KCTD8: variants seen among roughly 807,000 people sequenced by gnomAD.
KCTD8 encodes BTB/POZ domain-containing protein KCTD8.
A neutral mutation model predicts 31.5 loss-of-function variants in KCTD8; 27 were observed. The observed-to-expected ratio is 0.86, with a 90% CI of 0.63 to 1.18. KCTD8 has a LOEUF of 1.18. Among genes scored for constraint, KCTD8 ranks in the 50% most tolerant of loss-of-function variants. The pLI, the probability that KCTD8 is intolerant of heterozygous loss-of-function variation, is 0.00. For missense variants in KCTD8, 658 were observed against 647.7 expected, an observed-to-expected ratio of 1.02 and a Z score of -0.17; for synonymous variants, 290 against 280.0, an observed-to-expected ratio of 1.04 and a Z score of -0.36.
At chr4:44,407,017 C>A (rs187462533) in intron 1 of KCTD8, among the ~76,000 whole-genome samples, 1 of 152,342 alleles carries the variant, frequency 6.6e-6, no homozygotes, top group African/African-American at 2.4e-5. Flanking sequence ...GAGTTCAAGT[C>A]TACCTAATAT....
intron 1 of KCTD8, chr4:44,293,804 A>C (rs1717348472): frequency 1.1e-5 from 5 of 453,212 alleles, no homozygotes; most frequent in South Asian, 7.8e-5. Context: ...CTTACGTAAG[A>C]TTGAGCACAA....
intron 1 of KCTD8, among the ~76,000 whole-genome samples, chr4:44,236,722 G>T (rs959670214): frequency 3.9e-5 from 6 of 152,110 alleles, no homozygotes; most frequent in Admixed American, 3.3e-4. Flanking sequence ...GTATTGAGAA[G>T]ATACTGAAGA....
intron 1 of KCTD8, among the ~76,000 whole-genome samples, chr4:44,404,807 A>C (rs551337374): frequency 6.6e-6 from 1 of 152,306 alleles, no homozygotes; most frequent in Non-Finnish European, 1.5e-5. Context: ...AATCGTATAA[A>C]AGTAATGAAG....
intron 1 of KCTD8, among the ~76,000 whole-genome samples, chr4:44,435,205 G>T (rs1397126688): frequency 1.3e-5 from 2 of 151,918 alleles, no homozygotes; most frequent in Non-Finnish European, 2.9e-5. Context: ...AAAACACCTA[G>T]CAAGTGTCTT....
intron 1 of KCTD8, among the ~76,000 whole-genome samples, chr4:44,177,195 C>T (rs1234364686): frequency 6.6e-6 from 1 of 152,094 alleles, no homozygotes; most frequent in Non-Finnish European, 1.5e-5. Context: ...CTGATGGGTA[C>T]AGACTATGTT....
At chr4:44,418,828 G>A (rs1721141625) in intron 1 of KCTD8, among the ~76,000 whole-genome samples, 1 of 152,116 alleles carries the variant, frequency 6.6e-6, no homozygotes, top group Admixed American at 6.5e-5. Context: ...CATACAAAGT[G>A]CTAAGCACAG....
chr4:44,351,130 T>C (rs1471246650), intron 1 of KCTD8, among the ~76,000 whole-genome samples: 1 of 152,158 alleles, frequency 6.6e-6, no homozygotes, highest in East Asian at 1.9e-4. Flanking sequence ...TATAATTATC[T>C]TTCATTATTT....
chr4:44,268,470 T>A (rs1716464154), intron 1 of KCTD8, among the ~76,000 whole-genome samples: 1 of 152,154 alleles, frequency 6.6e-6, no homozygotes, highest in Non-Finnish European at 1.5e-5. Flanking sequence ...AGCATTCCCT[T>A]TGAAAACTGG....
chr4:44,380,068 G>C (rs1376708621), intron 1 of KCTD8, among the ~76,000 whole-genome samples: 3 of 151,956 alleles, frequency 2.0e-5, no homozygotes, highest in Non-Finnish European at 4.4e-5. Flanking sequence ...CATAGATATA[G>C]ATGTGTTTTT....
At chr4:44,424,424 T>G (rs1362121896) in intron 1 of KCTD8, among the ~76,000 whole-genome samples, 4 of 152,082 alleles carry the variant, frequency 2.6e-5, no homozygotes, top group Non-Finnish European at 4.4e-5. Flanking sequence ...TTTTCTTTTC[T>G]CTGTCAACCA....
chr4:44,319,263 T>C (rs1291523178), intron 1 of KCTD8, among the ~76,000 whole-genome samples: 1 of 152,192 alleles, frequency 6.6e-6, no homozygotes, highest in African/African-American at 2.4e-5. Flanking sequence ...CAGTTTGTAA[T>C]TTCTATAATA....
At chr4:44,307,833 GACTAAGT>G (rs1717846362) in intron 1 of KCTD8, among the ~76,000 whole-genome samples, 1 of 151,828 alleles carries the variant, frequency 6.6e-6, no homozygotes, top group African/African-American at 2.4e-5. Context: ...TAGCTAACAT[GACTAAGT>G]ACCTAAATAA....
intron 1 of KCTD8, among the ~76,000 whole-genome samples, chr4:44,217,506 A>G (rs1245892158): frequency 6.6e-6 from 1 of 152,180 alleles, no homozygotes; most frequent in East Asian, 1.9e-4. Flanking sequence ...ACTTGATTAG[A>G]TTGAAGGACG....
At chr4:44,405,361 G>T (rs1272712358) in intron 1 of KCTD8, among the ~76,000 whole-genome samples, 1 of 152,056 alleles carries the variant, frequency 6.6e-6, no homozygotes, top group Non-Finnish European at 1.5e-5. Context: ...GTGTTCAAGG[G>T]ATTCTCCTGC....
intron 1 of KCTD8, among the ~76,000 whole-genome samples, chr4:44,370,922 C>T (rs1719766754): frequency 6.6e-6 from 1 of 151,948 alleles, no homozygotes. Flanking sequence ...TAAACTGATA[C>T]ATAGAAAGAG....
intron 1 of KCTD8, among the ~76,000 whole-genome samples, chr4:44,242,555 G>GCGAAAGGGCGGGATTCCGTCT (rs1715535272): frequency 6.6e-6 from 1 of 151,972 alleles, no homozygotes; most frequent in Non-Finnish European, 1.5e-5. Flanking sequence ...TCTGGACTGG[G>GCGAAAGGGCGGGATTCCGTCT]CGAAAGGGCG....
intron 1 of KCTD8, among the ~76,000 whole-genome samples, chr4:44,398,713 T>G (rs534801484): frequency 6.6e-6 from 1 of 152,294 alleles, no homozygotes; most frequent in East Asian, 1.9e-4. Flanking sequence ...AAGGCTGCTG[T>G]GTGGAGGGTA....
chr4:44,323,506 C>G (rs563542821), intron 1 of KCTD8, among the ~76,000 whole-genome samples: 4 of 134,668 alleles, frequency 3.0e-5, no homozygotes, highest in Non-Finnish European at 6.4e-5. Context: ...ACCCACCCCC[C>G]CCCAAAAAAA....
chr4:44,232,897 A>G (rs1354818195), intron 1 of KCTD8, among the ~76,000 whole-genome samples: 2 of 152,054 alleles, frequency 1.3e-5, no homozygotes, highest in Non-Finnish European at 2.9e-5. Context: ...AAACTAGTGA[A>G]TAAGTAGAAA....
Sources: gnomAD v4.1 joint callset for allele counts (sites outside exome capture counted in the v4.1 genomes callset) on GRCh38, gnomAD v4.1.1 for gene constraint, MANE v1.5 for transcripts, NCBI Gene and HGNC (gene_info 2026-07-23, HGNC 2026-07-21) for gene names.